The following LARGE1 variants were observed in gnomAD, a reference collection of about 807,000 sequenced individuals.
LARGE1 encodes LARGE xylosyl- and glucuronyltransferase 1.
Under a neutral mutation model 87.6 loss-of-function variants are expected in LARGE1, and 43 were observed. That is an observed-to-expected ratio of 0.49 (90% CI 0.38 to 0.63). LARGE1 has a LOEUF of 0.63. Among genes scored for constraint, LARGE1 ranks in the 30% least tolerant of loss-of-function variants. The pLI, the probability that LARGE1 is intolerant of heterozygous loss-of-function variation, is 0.00. For synonymous variants in LARGE1, 434 were observed against 394.6 expected, an observed-to-expected ratio of 1.10 and a Z score of -1.18; for missense variants, 802 against 1,000.2, an observed-to-expected ratio of 0.80 and a Z score of 2.67.
At chr22:33,600,833 G>A (rs1192185536) in intron 5 of LARGE1, among the ~76,000 whole-genome samples, 2 of 152,188 alleles carry the variant, frequency 1.3e-5, no homozygotes, top group Non-Finnish European at 2.9e-5. Flanking sequence ...GATCACCTGA[G>A]GTAGATGGAT....
At chr22:33,164,651 G>A (rs1229314150) in exon 12 of LARGE1, 9 of 151,964 alleles carry the variant, frequency 5.9e-5, no homozygotes, top group Non-Finnish European at 1.3e-4. Flanking sequence ...CCAAGTAGCT[G>A]GGATTACAGG....
At chr22:33,831,402 A>C (rs916972416) in intron 1 of LARGE1, among the ~76,000 whole-genome samples, 18 of 152,160 alleles carry the variant, frequency 1.2e-4, no homozygotes, top group Non-Finnish European at 1.3e-4. Context: ...GAACACTCTG[A>C]AGACAGGAAG....
At chr22:33,212,897 A>G (rs1925030395) in intron 11 of LARGE1, among the ~76,000 whole-genome samples, 1 of 152,152 alleles carries the variant, frequency 6.6e-6, no homozygotes, top group South Asian at 2.1e-4. Flanking sequence ...GGGCACCTGT[A>G]ATCTCAGCTA....
chr22:33,858,746 GTATGTT>G (rs2063828571), intron 1 of LARGE1, among the ~76,000 whole-genome samples: 1 of 152,142 alleles, frequency 6.6e-6, no homozygotes, highest in Non-Finnish European at 1.5e-5. Context: ...ACATGCACAC[GTATGTT>G]TATTGCAGCA....
chr22:33,785,978 G>A (rs2085628028), intron 1 of LARGE1, among the ~76,000 whole-genome samples: 1 of 152,220 alleles, frequency 6.6e-6, no homozygotes, highest in Non-Finnish European at 1.5e-5. Flanking sequence ...AGGCAGGACT[G>A]TTTAAAATGC....
At chr22:33,315,439 G>A (rs932928073) in intron 11 of LARGE1, among the ~76,000 whole-genome samples, 1 of 152,176 alleles carries the variant, frequency 6.6e-6, no homozygotes, top group African/African-American at 2.4e-5. Context: ...AAGAAACAGC[G>A]TTGCTTTCCA....
intron 3 of LARGE1, among the ~76,000 whole-genome samples, chr22:33,640,746 G>C (rs1228938570): frequency 6.6e-6 from 1 of 152,156 alleles, no homozygotes; most frequent in Non-Finnish European, 1.5e-5. Flanking sequence ...GAGCTTGGTG[G>C]AGAAAGGGGC....
At chr22:33,541,326 A>C (rs1025172550) in intron 6 of LARGE1, among the ~76,000 whole-genome samples, 3 of 152,218 alleles carry the variant, frequency 2.0e-5, no homozygotes, top group Non-Finnish European at 4.4e-5. Context: ...AGCATAACAA[A>C]GAAAAATGGT....
the LARGE1 span, among the ~76,000 whole-genome samples, chr22:33,116,761 T>C: frequency 1.3e-5 from 2 of 152,110 alleles, no homozygotes; most frequent in East Asian, 3.9e-4. Context: ...TAGCACGCTG[T>C]GAGGTTTTCA....
At chr22:33,503,628 G>A (rs377319668) in intron 6 of LARGE1, among the ~76,000 whole-genome samples, 2 of 151,662 alleles carry the variant, frequency 1.3e-5, no homozygotes, top group African/African-American at 2.4e-5. Flanking sequence ...GTGAAACCAC[G>A]TCTCTACTAA....
In LARGE1 at chr22:33,785,082, CAT is replaced by C. The variant is rs753499360; in HGVS notation, c.-82-23526_-82-23525del. Among the ~76,000 whole-genome samples the C allele has an allele frequency of 4.5e-3, 590 of 131,968 alleles. 8 individuals are homozygous for C. Among genetic ancestry groups the C allele is most frequent in the African/African-American group, 0.016 (552 of 34,592 alleles). The allele number at this position is 131,968 out of a possible 152,430, so 86.6% of individuals were successfully genotyped here. On this transcript the variant is annotated intron_variant, in intron 1 of 14. Transcript: ENST00000397394. The stretch of plus-strand genomic sequence containing the variant: ...GTATATAGATATATGTGTATACATA[CAT>C]ATGTGTATATACATGTGTATACATA...
At chr22:33,212,802 G>A (rs1459568158) in intron 11 of LARGE1, among the ~76,000 whole-genome samples, 1 of 152,142 alleles carries the variant, frequency 6.6e-6, no homozygotes, top group Non-Finnish European at 1.5e-5. Context: ...TGGATCATGA[G>A]ATCAGGAGAT....
rs1371661963 is a variant in LARGE1 at position 33,650,749 on chromosome 22, C to G, written c.107-81G>C. 84 of 1,506,494 alleles carry G rather than the reference C, an allele frequency of 5.6e-5. 1 individual carries two copies. Among genetic ancestry groups the G allele is most frequent in the Admixed American group, 7.1e-5 (4 of 56,448 alleles). 93.3% of individuals were successfully genotyped at this position (1,506,494 alleles called of 1,614,324 possible). On this transcript the variant is annotated intron_variant, in intron 2 of 14. Transcript: ENST00000397394. Reference sequence around the variant, plus strand: ...CTCCAAGTTCCCCAGACATCCCTTACTACATGGCGAGGCTCCTTGCACAAT... The same window carrying G: ...CTCCAAGTTCCCCAGACATCCCTTAGTACATGGCGAGGCTCCTTGCACAAT...
chr22:33,283,954 GAAGA>G (rs1489436900), intron 12 of LARGE1, among the ~76,000 whole-genome samples: 2 of 152,074 alleles, frequency 1.3e-5, no homozygotes, highest in Non-Finnish European at 2.9e-5. Flanking sequence ...GAAAAGAAAA[GAAGA>G]AAGATGGGGA....
At chr22:33,670,831 T>C (rs953383202) in intron 2 of LARGE1, among the ~76,000 whole-genome samples, 1 of 152,230 alleles carries the variant, frequency 6.6e-6, no homozygotes, top group Non-Finnish European at 1.5e-5. Flanking sequence ...AGTGAAATAA[T>C]GGTATTTTTC....
chr22:33,691,703 C>T lies in LARGE1; in HGVS notation c.107-41035G>A, dbSNP rs146303239. On this transcript the variant is annotated intron_variant, in intron 2 of 14. Transcript: ENST00000397394. ...GATTTCTAATAAGCATTTGCAAAGGCCATGAATCCACTTAACAATTAGCCT... is the reference window on the plus strand; with the variant it reads ...GATTTCTAATAAGCATTTGCAAAGGTCATGAATCCACTTAACAATTAGCCT... Among the ~76,000 whole-genome samples the T allele has an allele frequency of 1.9e-3, 287 of 152,326 alleles. 1 individual carries two copies. Among genetic ancestry groups the T allele is most frequent in the African/African-American group, 6.4e-3 (264 of 41,568 alleles).
chr22:33,564,078 C>T lies in LARGE1; in HGVS notation c.787+770G>A, dbSNP rs1445315305. Among the ~76,000 whole-genome samples the T allele has an allele frequency of 7.2e-5, 11 of 152,072 alleles. No individual in the cohort carries two copies. In the South Asian group the frequency reaches 1.5e-3, roughly 20 times the overall value. On this transcript the variant is annotated intron_variant, in intron 6 of 14. Coordinates refer to ENST00000397394, the MANE Select transcript of LARGE1 (RefSeq NM_133642.5). ...GGATTTTAAACACAGAAGGGGCTAG[C>T]GTGCAATTAAAAAAATATATAAAAC...
At chr22:33,124,946 A>G in the LARGE1 span, among the ~76,000 whole-genome samples, 1 of 152,218 alleles carries the variant, frequency 6.6e-6, no homozygotes, top group African/African-American at 2.4e-5. Context: ...AAGCTATCGC[A>G]TAGGCAGTGA....
intron 11 of LARGE1, 77 bp from the exon 12 acceptor site, chr22:33,304,584 G>A (rs766950903): frequency 3.5e-6 from 5 of 1,422,304 alleles, no homozygotes; most frequent in Non-Finnish European, 4.7e-6. Flanking sequence ...GTGGGGCTCT[G>A]CCTCCAGTGA....
Sources: allele counts gnomAD v4.1 joint callset (sites outside exome capture counted in the v4.1 genomes callset), GRCh38; gene constraint gnomAD v4.1.1; transcripts MANE v1.5; gene names NCBI Gene and HGNC (gene_info 2026-07-23, HGNC 2026-07-21).